The following SV2B variants were observed in gnomAD, a reference collection of about 807,000 sequenced individuals.
The protein encoded by SV2B is solute carrier family 22 member B2.
Under a neutral mutation model 73.9 loss-of-function variants are expected in SV2B, and 41 were observed. That is an observed-to-expected ratio of 0.56 (90% CI 0.43 to 0.72). The LOEUF (loss-of-function observed/expected upper bound fraction) is 0.72. Ranked by LOEUF, SV2B falls within the 30% of genes least tolerant of loss-of-function variation. The pLI is 0.00. For synonymous variants in SV2B, 314 were observed against 314.2 expected (o/e 1.00, Z 0.01); for missense variants, 764 against 857.8 (o/e 0.89, Z 1.37).
intron 1 of SV2B, among the ~76,000 whole-genome samples, chr15:91,207,300 G>A (rs1183161163): frequency 1.3e-5 from 2 of 151,610 alleles, no homozygotes; most frequent in South Asian, 4.2e-4. Flanking sequence ...TGGGATTACA[G>A]GTGTGAGTCA....
At position 91,289,468 on chromosome 15, in the gene SV2B, A is replaced by G; in HGVS notation, c.1709-53A>G. 1 of 1,610,940 alleles carries G rather than the reference A, an allele frequency of 6.2e-7. No homozygotes were observed. Among genetic ancestry groups the G allele is most frequent in the Middle Eastern group, 1.7e-4 (1 of 5,982 alleles). On this transcript the variant is annotated intron_variant, in intron 11 of 12. Coordinates refer to ENST00000394232, the MANE Select transcript of SV2B (RefSeq NM_001323032.3). This position sits in a 1 kb window ranked among gnomAD's most constrained non-coding sequence, Gnocchi z 4.9. Reference sequence around the variant, plus strand: ...GGGGCAAGAACTGTGAGTGACAGCCATGTGCAAGACACAGGCCTCATGTTT... The same window carrying G: ...GGGGCAAGAACTGTGAGTGACAGCCGTGTGCAAGACACAGGCCTCATGTTT...
intron 2 of SV2B, among the ~76,000 whole-genome samples, chr15:91,233,598 T>C (rs11631720): frequency 0.38 from 57,123 of 152,058 alleles, 14,802 homozygotes; most frequent in African/African-American, 0.74. Context: ...TCCTGAAAGT[T>C]AGCATGGGGA....
chr15:91,153,716 G>C (rs1478924827), intron 1 of SV2B, among the ~76,000 whole-genome samples: 2 of 152,144 alleles, frequency 1.3e-5, no homozygotes, highest in African/African-American at 4.8e-5. Flanking sequence ...TGGACCAGGA[G>C]GGGGAAGTCA....
In SV2B at chr15:91,137,752, A is replaced by C. The variant is rs1158199589; in HGVS notation, c.-392+37389A>C. 6.6e-6 allele frequency among the ~76,000 whole-genome samples: 1 copy of C among 151,660 alleles called. No homozygotes were observed. The highest frequency in any genetic ancestry group is 1.5e-5 in the Non-Finnish European group (1 of 67,942). The stretch of plus-strand genomic sequence containing the variant: ...AGCATTAATTCATCGGAACACATCA[A>C]ATATGTTTAACCTGTAGGTTTATAA... On this transcript the variant is annotated intron_variant, in intron 1 of 12. Transcript: ENST00000394232. The surrounding 1 kb of genome is among the most constrained non-coding windows in gnomAD (Gnocchi z 4.9).
At chr15:91,259,934 C>T (rs1375778523) in intron 5 of SV2B, among the ~76,000 whole-genome samples, 1 of 152,160 alleles carries the variant, frequency 6.6e-6, no homozygotes, top group Non-Finnish European at 1.5e-5. Context: ...AGCACTTCAC[C>T]ATATCTTTTT....
At chr15:91,177,335 A>G (rs2044353703) in intron 1 of SV2B, among the ~76,000 whole-genome samples, 1 of 151,830 alleles carries the variant, frequency 6.6e-6, no homozygotes, top group Non-Finnish European at 1.5e-5. Context: ...TGATGCCTCC[A>G]GCTTTGTTCT....
intron 1 of SV2B, among the ~76,000 whole-genome samples, chr15:91,169,146 TCTC>T (rs993215152): frequency 4.6e-5 from 7 of 151,924 alleles, no homozygotes; most frequent in Middle Eastern, 3.4e-3. Flanking sequence ...TCATTCTGTT[TCTC>T]CTCCTCCTCC....
chr15:91,155,236 A>G (rs1007339106), intron 1 of SV2B, among the ~76,000 whole-genome samples: 5 of 152,136 alleles, frequency 3.3e-5, no homozygotes, highest in Non-Finnish European at 7.4e-5. Flanking sequence ...AGTAACCTGC[A>G]GGGGAGGAAG....
chr15:91,270,843 G>A (rs9744188), intron 9 of SV2B, among the ~76,000 whole-genome samples: 17,225 of 90,530 alleles, frequency 0.19, 2,455 homozygotes, highest in African/African-American at 0.47. Flanking sequence ...GGATGATGGG[G>A]GGACGGTGAA....
intron 1 of SV2B, among the ~76,000 whole-genome samples, chr15:91,184,206 A>AAAGCAACCTTTTGGC (rs1274708661): frequency 6.6e-6 from 1 of 152,158 alleles, no homozygotes; most frequent in African/African-American, 2.4e-5. Flanking sequence ...TTGCAGCATA[A>AAAGCAACCTTTTGGC]AAGCAACCTT....
intron 5 of SV2B, among the ~76,000 whole-genome samples, chr15:91,260,074 G>A (rs1338143937): frequency 6.6e-6 from 1 of 152,120 alleles, no homozygotes; most frequent in Non-Finnish European, 1.5e-5. Context: ...GTATAATGAT[G>A]ATACTACCTA....
chr15:91,143,363 C>T (rs891965853), intron 1 of SV2B, among the ~76,000 whole-genome samples: 1 of 152,176 alleles, frequency 6.6e-6, no homozygotes, highest in Non-Finnish European at 1.5e-5. Context: ...GGTCTGGGGA[C>T]CATTGAAACA....
At chr15:91,219,758 G>C (rs1410919803) in intron 1 of SV2B, among the ~76,000 whole-genome samples, 2 of 152,088 alleles carry the variant, frequency 1.3e-5, no homozygotes, top group Non-Finnish European at 2.9e-5. Context: ...CCACACCCCT[G>C]AATTTCCTCA....
At chr15:91,143,061 T>C (rs572053961) in intron 1 of SV2B, among the ~76,000 whole-genome samples, 1 of 152,294 alleles carries the variant, frequency 6.6e-6, no homozygotes, top group African/African-American at 2.4e-5. Flanking sequence ...GGCTGGGAGT[T>C]CCAGGGAGGC....
rs1276067544 is a variant in SV2B at position 91,245,265 on chromosome 15, A to G, written c.452-6554A>G. Among the ~76,000 whole-genome samples, 1 of 152,216 alleles carries G rather than the reference A, an allele frequency of 6.6e-6. No homozygotes were observed. The highest frequency in any genetic ancestry group is 2.4e-5 in the African/African-American group (1 of 41,466). On this transcript the variant is annotated intron_variant, in intron 2 of 12. Coordinates refer to ENST00000394232, the MANE Select transcript of SV2B (RefSeq NM_001323032.3). The surrounding 1 kb of genome is among the most constrained non-coding windows in gnomAD (Gnocchi z 4.2). The stretch of plus-strand genomic sequence containing the variant: ...TGATCTCCTTCGATCTCATGATTCG[A>G]TTTCTTGGAATCTATTCTGAGCAAA...
At chr15:91,149,832 TC>T (rs1365288397) in intron 1 of SV2B, among the ~76,000 whole-genome samples, 1 of 152,144 alleles carries the variant, frequency 6.6e-6, no homozygotes, top group African/African-American at 2.4e-5. Flanking sequence ...GCTGGTTCCC[TC>T]CCAAGAAGAT....
intron 1 of SV2B, among the ~76,000 whole-genome samples, chr15:91,160,969 G>T (rs2043693421): frequency 6.6e-6 from 1 of 152,182 alleles, no homozygotes; most frequent in Non-Finnish European, 1.5e-5. Context: ...GTGAAACACT[G>T]CTCAGCAACA....
At chr15:91,260,860 C>G (rs929358296) in intron 6 of SV2B, among the ~76,000 whole-genome samples, 2 of 152,218 alleles carry the variant, frequency 1.3e-5, no homozygotes, top group African/African-American at 4.8e-5. Context: ...ATAAACCCAT[C>G]AGATCTCATG....
Position 91,129,517 on chromosome 15 carries a change from G to A in SV2B, c.-392+29154G>A, listed in dbSNP as rs767873521. ...CCCAGAACCGGAGTATGGCCCTAGTGCATGGATGAAGCTGCAAGGGTGGAC... is the reference window on the plus strand; with the variant it reads ...CCCAGAACCGGAGTATGGCCCTAGTACATGGATGAAGCTGCAAGGGTGGAC... On this transcript the variant is annotated intron_variant, in intron 1 of 12. Transcript: ENST00000394232. This position sits in a 1 kb window ranked among gnomAD's most constrained non-coding sequence, Gnocchi z 5.1. 1.1e-3 allele frequency among the ~76,000 whole-genome samples: 163 copies of A among 152,268 alleles called. No individual in the cohort carries two copies. The highest frequency in any genetic ancestry group is 3.4e-3 in the African/African-American group (142 of 41,554).
Sources: gnomAD v4.1 joint callset for allele counts (sites outside exome capture counted in the v4.1 genomes callset) on GRCh38, gnomAD v4.1.1 for gene constraint, Gnocchi (gnomAD v3.1) non-coding constraint, MANE v1.5 for transcripts, NCBI Gene and HGNC (gene_info 2026-07-23, HGNC 2026-07-21) for gene names.